The following LOC128092253 variants were observed in gnomAD, a reference collection of about 807,000 sequenced individuals.
At chr6:133,963,989 C>T in the LOC128092253 span, among the ~76,000 whole-genome samples, 2 of 152,014 alleles carry the variant, frequency 1.3e-5, no homozygotes, top group African/African-American at 4.8e-5. Flanking sequence ...TGCAATGAGC[C>T]GAGATCGTGA....
the LOC128092253 span, among the ~76,000 whole-genome samples, chr6:133,955,084 T>G: frequency 6.6e-6 from 1 of 151,990 alleles, no homozygotes; most frequent in Non-Finnish European, 1.5e-5. Flanking sequence ...GACTGTTGCT[T>G]AATCTTTGTA....
chr6:133,963,802 G>A, the LOC128092253 span, among the ~76,000 whole-genome samples: 3 of 151,986 alleles, frequency 2.0e-5, no homozygotes, highest in Admixed American at 6.5e-5. Context: ...AGGCTGAGGC[G>A]GGCGGATCAC....
chr6:133,960,051 T>G, the LOC128092253 span, among the ~76,000 whole-genome samples: 1 of 152,222 alleles, frequency 6.6e-6, no homozygotes, highest in South Asian at 2.1e-4. Context: ...CACCTACTTA[T>G]GGCTGCAGTG....
chr6:133,963,874 CAAA>C, the LOC128092253 span, among the ~76,000 whole-genome samples: 2 of 94,426 alleles, frequency 2.1e-5, no homozygotes, highest in Admixed American at 1.1e-4. Context: ...ACTAAAAATA[CAAA>C]AAAAAAAAAA....
the LOC128092253 span, among the ~76,000 whole-genome samples, chr6:133,967,552 C>A: frequency 6.6e-6 from 1 of 152,114 alleles, no homozygotes; most frequent in Non-Finnish European, 1.5e-5. Flanking sequence ...TAAACCCAGA[C>A]GGTAGAATCT....
At chr6:133,975,527 G>A in the LOC128092253 span, among the ~76,000 whole-genome samples, 1,198 of 152,138 alleles carry the variant, frequency 7.9e-3, 8 homozygotes, top group Non-Finnish European at 0.013. Context: ...AAAGAAAAAA[G>A]AAATAAGCCA....
chr6:133,961,865 A>C, the LOC128092253 span, among the ~76,000 whole-genome samples: 1 of 152,126 alleles, frequency 6.6e-6, no homozygotes, highest in Non-Finnish European at 1.5e-5. Flanking sequence ...AACATAGATC[A>C]CATTCTCTTG....
At chr6:133,975,538 C>T in the LOC128092253 span, among the ~76,000 whole-genome samples, 1 of 152,090 alleles carries the variant, frequency 6.6e-6, no homozygotes, top group East Asian at 1.9e-4. Flanking sequence ...AAATAAGCCA[C>T]CTTAAATTGT....
At chr6:133,973,338 G>A in the LOC128092253 span, among the ~76,000 whole-genome samples, 96,469 of 151,996 alleles carry the variant, frequency 0.63, 31,482 homozygotes, top group African/African-American at 0.73. Context: ...TAGAACCTTA[G>A]GGCCCATTCC....
chr6:133,966,099 T>A, the LOC128092253 span, among the ~76,000 whole-genome samples: 3 of 151,684 alleles, frequency 2.0e-5, no homozygotes, highest in Non-Finnish European at 4.4e-5. Context: ...AGAGAGAGAG[T>A]GTGTGTGCAT....
the LOC128092253 span, among the ~76,000 whole-genome samples, chr6:133,978,067 C>G: frequency 6.6e-6 from 1 of 152,128 alleles, no homozygotes; most frequent in African/African-American, 2.4e-5. Flanking sequence ...TATTTTATTT[C>G]TGCCACATTG....
chr6:133,970,980 G>T, the LOC128092253 span, among the ~76,000 whole-genome samples: 1 of 152,044 alleles, frequency 6.6e-6, no homozygotes. Flanking sequence ...GCTATTTTAT[G>T]ATATACTTTA....
the LOC128092253 span, among the ~76,000 whole-genome samples, chr6:133,974,739 A>G: frequency 3.9e-5 from 6 of 152,384 alleles, no homozygotes; most frequent in African/African-American, 1.2e-4. Context: ...TTTTTGTACC[A>G]GACTGTAAGA....
At chr6:133,960,726 A>G in the LOC128092253 span, among the ~76,000 whole-genome samples, 1 of 152,220 alleles carries the variant, frequency 6.6e-6, no homozygotes, top group Non-Finnish European at 1.5e-5. Flanking sequence ...TTTAACTTTA[A>G]CTGAATGGTT....
the LOC128092253 span, among the ~76,000 whole-genome samples, chr6:133,965,637 T>G: frequency 5.3e-5 from 8 of 152,018 alleles, no homozygotes; most frequent in African/African-American, 1.4e-4. Flanking sequence ...CACTGTTAAA[T>G]TTAGTGCTTT....
the LOC128092253 span, among the ~76,000 whole-genome samples, chr6:133,960,868 G>A: frequency 6.6e-6 from 1 of 152,210 alleles, no homozygotes; most frequent in African/African-American, 2.4e-5. Context: ...ACTTTCAGAG[G>A]ATGAGAAAAG....
At chr6:133,970,191 A>G in the LOC128092253 span, among the ~76,000 whole-genome samples, 1 of 152,182 alleles carries the variant, frequency 6.6e-6, no homozygotes, top group South Asian at 2.1e-4. Flanking sequence ...TATTCAGTTG[A>G]GAACAACTAC....
At chr6:133,958,618 T>G in the LOC128092253 span, among the ~76,000 whole-genome samples, 1 of 152,228 alleles carries the variant, frequency 6.6e-6, no homozygotes, top group Non-Finnish European at 1.5e-5. Context: ...ATGTTTTAGT[T>G]TAGTTGTGTG....
the LOC128092253 span, among the ~76,000 whole-genome samples, chr6:133,967,621 C>G: frequency 6.6e-6 from 1 of 152,134 alleles, no homozygotes; most frequent in South Asian, 2.1e-4. Context: ...ACCTATACAG[C>G]ATGTTTCTTT....
Sources: gnomAD v4.1 joint callset for allele counts (sites outside exome capture counted in the v4.1 genomes callset) on GRCh38, gnomAD v4.1.1 for gene constraint, MANE v1.5 for transcripts.